CCDC73: variants seen among roughly 807,000 people sequenced by gnomAD.
CCDC73 encodes coiled-coil domain containing 73.
A neutral mutation model predicts 116.5 loss-of-function variants in CCDC73; 95 were observed. That is an observed-to-expected ratio of 0.82 (90% CI 0.69 to 0.97). The LOEUF is 0.97. Ranked by LOEUF, CCDC73 falls within the 50% of genes least tolerant of loss-of-function variation. The probability of loss-of-function intolerance (pLI) is 0.00; values close to 1 mark genes in which losing one functional copy is unlikely to be tolerated. For missense variants in CCDC73, 1,066 were observed against 1,206.8 expected, an observed-to-expected ratio of 0.88 and a Z score of 1.73; for synonymous variants, 398 against 401.3, an observed-to-expected ratio of 0.99 and a Z score of 0.10.
intron 14 of CCDC73, among the ~76,000 whole-genome samples, chr11:32,625,584 C>T (rs1397215486): frequency 6.6e-6 from 1 of 152,112 alleles, no homozygotes; most frequent in Non-Finnish European, 1.5e-5. Flanking sequence ...AAATTCTTTT[C>T]TTTAAGAATG....
intron 6 of CCDC73, among the ~76,000 whole-genome samples, chr11:32,689,406 C>T (rs970663903): frequency 1.3e-5 from 2 of 151,996 alleles, no homozygotes; most frequent in African/African-American, 4.8e-5. Context: ...GTATGAACCA[C>T]ATTAAAAAGG....
At chr11:32,610,076 A>G (rs1855406173) in intron 17 of CCDC73, among the ~76,000 whole-genome samples, 3 of 151,952 alleles carry the variant, frequency 2.0e-5, no homozygotes, top group Admixed American at 6.6e-5. Flanking sequence ...GGCATGAGCC[A>G]CTGCACCCGG....
chr11:32,745,235 T>C (rs1045491596), intron 2 of CCDC73, among the ~76,000 whole-genome samples: 2 of 152,238 alleles, frequency 1.3e-5, no homozygotes, highest in Non-Finnish European at 2.9e-5. Context: ...TTCTTAATCC[T>C]GAGTTCTAAT....
chr11:32,628,697 C>A (rs1307913396), intron 14 of CCDC73, among the ~76,000 whole-genome samples: 1 of 152,166 alleles, frequency 6.6e-6, no homozygotes, highest in African/African-American at 2.4e-5. Flanking sequence ...TCCTGTGAAA[C>A]TTTGACATTC....
intron 2 of CCDC73, among the ~76,000 whole-genome samples, chr11:32,749,935 A>C (rs891721203): frequency 7.9e-5 from 12 of 151,312 alleles, no homozygotes; most frequent in Non-Finnish European, 1.5e-4. Context: ...CAATGGCACA[A>C]TCTTGGCTCA....
At chr11:32,662,668 G>C (rs1443397501) in intron 9 of CCDC73, among the ~76,000 whole-genome samples, 4 of 151,966 alleles carry the variant, frequency 2.6e-5, no homozygotes, top group Admixed American at 6.6e-5. Flanking sequence ...GTTTCTTTTG[G>C]TGCGCAGAAG....
At chr11:32,692,286 T>C (rs1247725834) in intron 6 of CCDC73, among the ~76,000 whole-genome samples, 1 of 152,072 alleles carries the variant, frequency 6.6e-6, no homozygotes, top group East Asian at 1.9e-4. Flanking sequence ...TTCAGAACTT[T>C]GCTTTTTTAT....
intron 12 of CCDC73, among the ~76,000 whole-genome samples, chr11:32,643,683 A>G (rs937741510): frequency 2.6e-5 from 4 of 152,168 alleles, no homozygotes; most frequent in African/African-American, 9.6e-5. Flanking sequence ...GTACACATGT[A>G]ACTATATAAG....
At chr11:32,698,715 CTT>C (rs1215579638) in intron 6 of CCDC73, among the ~76,000 whole-genome samples, 2 of 152,154 alleles carry the variant, frequency 1.3e-5, no homozygotes, top group African/African-American at 4.8e-5. Flanking sequence ...AGATTTTTGT[CTT>C]GTTTATCATT....
intron 6 of CCDC73, among the ~76,000 whole-genome samples, chr11:32,685,611 A>T (rs1296641139): frequency 6.6e-6 from 1 of 152,172 alleles, no homozygotes; most frequent in African/African-American, 2.4e-5. Flanking sequence ...AGGGGACCCA[A>T]ATCATTGTAG....
chr11:32,737,132 A>G (rs1221622989), intron 2 of CCDC73, among the ~76,000 whole-genome samples: 2 of 151,752 alleles, frequency 1.3e-5, no homozygotes, highest in African/African-American at 4.8e-5. Context: ...TATTTGATTC[A>G]ATCATCCAAT....
intron 12 of CCDC73, among the ~76,000 whole-genome samples, chr11:32,644,311 A>G (rs1855757909): frequency 6.6e-6 from 1 of 152,156 alleles, no homozygotes; most frequent in South Asian, 2.1e-4. Flanking sequence ...AAAGAAGGGA[A>G]CAATGGACAC....
chr11:32,637,668 C>G (rs1855695198), intron 13 of CCDC73, among the ~76,000 whole-genome samples: 1 of 151,754 alleles, frequency 6.6e-6, no homozygotes. Flanking sequence ...ACACACCCCA[C>G]TCACAAAATA....
At chr11:32,622,460 G>A (rs906630811) in intron 14 of CCDC73, among the ~76,000 whole-genome samples, 6 of 152,018 alleles carry the variant, frequency 3.9e-5, no homozygotes, top group African/African-American at 1.5e-4. Flanking sequence ...GTTGAACAAT[G>A]AGAACACATG....
At chr11:32,766,837 A>T (rs1850447087) in intron 1 of CCDC73, among the ~76,000 whole-genome samples, 1 of 152,146 alleles carries the variant, frequency 6.6e-6, no homozygotes, top group South Asian at 2.1e-4. Context: ...AAACAAATGG[A>T]ACAACATTCC....
chr11:32,620,610 C>CAAAAAAA (rs57643752), intron 14 of CCDC73, among the ~76,000 whole-genome samples: 26 of 61,320 alleles, frequency 4.2e-4, no homozygotes, highest in African/African-American at 4.9e-4. Flanking sequence ...GACTCAGTCT[C>CAAAAAAA]AAAAAAAAAA....
chr11:32,729,322 C>G (rs1342084650), intron 2 of CCDC73, among the ~76,000 whole-genome samples: 1 of 152,194 alleles, frequency 6.6e-6, no homozygotes, highest in East Asian at 1.9e-4. Flanking sequence ...CTTCCAGCTC[C>G]ATCCATGTCT....
chr11:32,808,752 G>C, the CCDC73 span, among the ~76,000 whole-genome samples: 1 of 152,146 alleles, frequency 6.6e-6, no homozygotes, highest in South Asian at 2.1e-4. Flanking sequence ...GTTTATCTAA[G>C]AAACAAACTT....
chr11:32,683,471 CA>C, intron 7 of CCDC73, 64 bp downstream of exon 7: 7 of 1,054,694 alleles, frequency 6.6e-6, no homozygotes, highest in Non-Finnish European at 7.4e-6. Context: ...ATTTTATTCC[CA>C]AAAACACCAA....
Sources: allele counts gnomAD v4.1 joint callset (sites outside exome capture counted in the v4.1 genomes callset), GRCh38; gene constraint gnomAD v4.1.1; transcripts MANE v1.5; gene names NCBI Gene and HGNC (gene_info 2026-07-23, HGNC 2026-07-21).